The following SCP2 variants were observed in gnomAD, a reference collection of about 807,000 sequenced individuals.
The protein encoded by SCP2 is sterol carrier protein 2.
Under a neutral mutation model 71.4 loss-of-function variants are expected in SCP2, and 48 were observed. The observed-to-expected ratio is 0.67, with a 90% CI of 0.53 to 0.86. SCP2 has a LOEUF of 0.86. Among genes scored for constraint, SCP2 ranks in the 40% least tolerant of loss-of-function variants. The probability of loss-of-function intolerance (pLI) is 0.00; values close to 1 mark genes in which losing one functional copy is unlikely to be tolerated. For missense variants in SCP2, 560 were observed against 655.6 expected, an observed-to-expected ratio of 0.85 and a Z score of 1.59; for synonymous variants, 220 against 218.1, an observed-to-expected ratio of 1.01 and a Z score of -0.08.
chr1:52,974,884 T>A (rs768862008), intron 7 of SCP2, 52 bp downstream of exon 7: 4 of 862,638 alleles, frequency 4.6e-6, no homozygotes, highest in South Asian at 4.0e-5. Flanking sequence ...TCCTACTGTA[T>A]AATATGCAAC....
intron 10 of SCP2, among the ~76,000 whole-genome samples, chr1:52,987,006 ATTTT>A (rs1163545483): frequency 0.011 from 1,240 of 110,444 alleles, 20 homozygotes; most frequent in African/African-American, 0.046. Flanking sequence ...ATATATATAT[ATTTT>A]TTTTTTTTTT....
intron 11 of SCP2, chr1:52,995,602 A>G: frequency 1.9e-6 from 1 of 528,612 alleles, no homozygotes. Flanking sequence ...TTCAATGCCA[A>G]GAACATAATG....
At chr1:53,038,242 A>G (rs1419584151) in intron 13 of SCP2, among the ~76,000 whole-genome samples, 1 of 129,148 alleles carries the variant, frequency 7.7e-6, no homozygotes. Flanking sequence ...TGTCATTTAT[A>G]TATGTGTGTG....
intron 13 of SCP2, among the ~76,000 whole-genome samples, chr1:53,033,329 A>G (rs938369946): frequency 2.0e-5 from 3 of 152,244 alleles, no homozygotes; most frequent in Non-Finnish European, 4.4e-5. Flanking sequence ...CATACCGGGC[A>G]CAGTGGCTCA....
intron 13 of SCP2, among the ~76,000 whole-genome samples, chr1:53,029,842 G>A (rs949180720): frequency 1.4e-4 from 22 of 151,884 alleles, no homozygotes; most frequent in South Asian, 1.0e-3. Flanking sequence ...TATAACCTAT[G>A]TTTTTCTTTT....
chr1:52,932,544 A>G (rs1475691593), intron 1 of SCP2, among the ~76,000 whole-genome samples: 1 of 152,218 alleles, frequency 6.6e-6, no homozygotes, highest in Non-Finnish European at 1.5e-5. Context: ...ACAGGGTAAC[A>G]TAGAATAGTG....
intron 3 of SCP2, among the ~76,000 whole-genome samples, chr1:52,948,932 C>T (rs1187058819): frequency 1.4e-5 from 2 of 147,362 alleles, no homozygotes; most frequent in African/African-American, 5.0e-5. Context: ...CTCTGTTTCC[C>T]CCAACCCCAA....
chr1:52,963,373 T>G (rs1338921053), intron 6 of SCP2, among the ~76,000 whole-genome samples: 1 of 152,174 alleles, frequency 6.6e-6, no homozygotes, highest in African/African-American at 2.4e-5. Flanking sequence ...AAAGAAGTTT[T>G]TTTTTTTTCT....
At position 52,954,782 on chromosome 1, in the gene SCP2, G is replaced by A. The variant is rs926560565; in HGVS notation, c.374G>A (p.Ser125Asn). Residue 125 changes from serine to asparagine, a missense_variant, in exon 5 of 16, where the codon AGT becomes AAT. Transcript: ENST00000371514. ...CVLALGFEKM[S>N]KGSLGIKFSD... ...TTGGCTCTTGGGTTTGAGAAGATGAGTAAGGGAAGCCTTGGAATAAAAGTG... is the reference window on the plus strand; with the variant it reads ...TTGGCTCTTGGGTTTGAGAAGATGAATAAGGGAAGCCTTGGAATAAAAGTG... 2 of 1,613,532 alleles carry A rather than the reference G, an allele frequency of 1.2e-6. No homozygotes were observed. Among genetic ancestry groups the A allele is most frequent in the African/African-American group, 1.3e-5 (1 of 74,932 alleles).
chr1:52,966,962 C>T (rs980313391), intron 6 of SCP2, among the ~76,000 whole-genome samples: 13 of 151,908 alleles, frequency 8.6e-5, no homozygotes, highest in South Asian at 4.2e-4. Context: ...CTAAGGTGGA[C>T]GGATTACCTG....
At chr1:52,973,474 A>T (rs1340681696) in intron 6 of SCP2, among the ~76,000 whole-genome samples, 1 of 152,132 alleles carries the variant, frequency 6.6e-6, no homozygotes, top group Non-Finnish European at 1.5e-5. Flanking sequence ...TGCTGTCCAG[A>T]TACTATGTTT....
chr1:52,993,611 A>C (rs1013009525), intron 11 of SCP2: 2 of 1,612,278 alleles, frequency 1.2e-6, no homozygotes, highest in African/African-American at 2.7e-5. Context: ...TGCTGTATCC[A>C]AAATATCTAG....
intron 5 of SCP2, among the ~76,000 whole-genome samples, chr1:52,960,478 ATATGTG>A (rs1252536689): frequency 3.0e-5 from 3 of 101,664 alleles, no homozygotes; most frequent in South Asian, 3.3e-4. Flanking sequence ...GCTACTATGT[ATATGTG>A]TGTGTGTGTG....
intron 13 of SCP2, among the ~76,000 whole-genome samples, chr1:53,032,613 G>A (rs543306862): frequency 1.6e-4 from 25 of 152,204 alleles, no homozygotes; most frequent in African/African-American, 5.5e-4. Context: ...AAGAGAAAGT[G>A]GCTGGAGATA....
chr1:52,934,316 A>T (rs193093212), intron 1 of SCP2, among the ~76,000 whole-genome samples: 1,594 of 150,438 alleles, frequency 0.011, 30 homozygotes, highest in African/African-American at 0.035. Context: ...ACTATTAAAA[A>T]TTTTTTTTTT....
At chr1:53,006,121 G>A (rs1236662214) in intron 11 of SCP2, among the ~76,000 whole-genome samples, 1 of 152,122 alleles carries the variant, frequency 6.6e-6, no homozygotes, top group African/African-American at 2.4e-5. Context: ...AAGAAATATG[G>A]GACTATGTGA....
chr1:52,929,587 GGT>G (rs1346829426), intron 1 of SCP2, among the ~76,000 whole-genome samples: 7 of 151,892 alleles, frequency 4.6e-5, no homozygotes, highest in Non-Finnish European at 2.9e-5. Flanking sequence ...TGGGATTACA[GGT>G]GTGTGCCACC....
At chr1:52,992,630 C>T (rs182216782) in intron 11 of SCP2, among the ~76,000 whole-genome samples, 1 of 152,228 alleles carries the variant, frequency 6.6e-6, no homozygotes, top group East Asian at 1.9e-4. Flanking sequence ...AGTTTTTAAT[C>T]CATAAATACA....
chr1:52,968,065 T>C (rs915188460), intron 6 of SCP2, among the ~76,000 whole-genome samples: 4 of 152,146 alleles, frequency 2.6e-5, no homozygotes, highest in African/African-American at 9.7e-5. Flanking sequence ...CCCAGCCTCC[T>C]GAGTAACTGA....
Sources: gnomAD v4.1 joint callset for allele counts (sites outside exome capture counted in the v4.1 genomes callset) on GRCh38, gnomAD v4.1.1 for gene constraint, MANE v1.5 for transcripts, NCBI Gene and HGNC (gene_info 2026-07-23, HGNC 2026-07-21) for gene names.